The following ITPRID1 variants were observed in gnomAD, a reference collection of about 807,000 sequenced individuals.
ITPRID1 encodes ITPR interacting domain containing 1, also known as protein ITPRID1.
A neutral mutation model predicts 95.4 loss-of-function variants in ITPRID1; 96 were observed. The observed-to-expected ratio is 1.01, with a 90% CI of 0.85 to 1.19. The LOEUF (loss-of-function observed/expected upper bound fraction) is 1.19, where lower values mean the gene tolerates loss of function less well. Ranked by LOEUF, ITPRID1 falls within the 50% of genes most tolerant of loss-of-function variation. The probability of loss-of-function intolerance (pLI) is 0.00; values close to 1 mark genes in which losing one functional copy is unlikely to be tolerated. For synonymous variants in ITPRID1, 510 were observed against 453.6 expected (o/e 1.12, Z -1.58); for missense variants, 1,339 against 1,252.9 (o/e 1.07, Z -1.04).
intron 5 of ITPRID1, among the ~76,000 whole-genome samples, chr7:31,564,265 A>C (rs528200810): frequency 1.2e-3 from 177 of 152,278 alleles, no homozygotes; most frequent in Non-Finnish European, 2.1e-3. Context: ...GGGTGGCTGG[A>C]GACTCAAGTA....
intron 5 of ITPRID1, among the ~76,000 whole-genome samples, chr7:31,565,776 C>G (rs1583505405): frequency 7.7e-6 from 1 of 129,904 alleles, no homozygotes; most frequent in East Asian, 2.4e-4. Context: ...AGTCTGATAG[C>G]TGCATTTGTA....
intron 12 of ITPRID1, among the ~76,000 whole-genome samples, chr7:31,648,055 T>A (rs941676692): frequency 6.6e-6 from 1 of 152,048 alleles, no homozygotes; most frequent in Non-Finnish European, 1.5e-5. Context: ...AAGTGTTAAT[T>A]CAAAAAAAAT....
At chr7:31,627,659 C>CAAAAAAAAAAAAAAAAAAAAAAAAA (rs3078462) in intron 10 of ITPRID1, among the ~76,000 whole-genome samples, 1 of 75,518 alleles carries the variant, frequency 1.3e-5, no homozygotes. Flanking sequence ...GACACTGTCT[C>CAAAAAAAAAAAAAAAAAAAAAAAAA]AAAAAAAAAA....
At chr7:31,593,434 T>C (rs1785950247) in intron 10 of ITPRID1, among the ~76,000 whole-genome samples, 1 of 152,146 alleles carries the variant, frequency 6.6e-6, no homozygotes, top group Non-Finnish European at 1.5e-5. Context: ...AGAAAAACAA[T>C]ATCTTATTAG....
At chr7:31,603,776 C>T (rs1786497609) in intron 10 of ITPRID1, among the ~76,000 whole-genome samples, 1 of 152,146 alleles carries the variant, frequency 6.6e-6, no homozygotes, top group African/African-American at 2.4e-5. Flanking sequence ...TGCTTAGTGT[C>T]CCCCACAATC....
At position 31,520,554 on chromosome 7, in the gene ITPRID1, TGTGTGTGTGTGAGAGA is replaced by T. The variant is rs759914559; in HGVS notation, c.-98+6436_-98+6451del. Among the ~76,000 whole-genome samples, 811 of 88,458 alleles carry T rather than the reference TGTGTGTGTGTGAGAGA, an allele frequency of 9.2e-3. 10 individuals are homozygous for T. Among genetic ancestry groups the T allele is most frequent in the African/African-American group, 0.037 (614 of 16,442 alleles). 58.0% of individuals were successfully genotyped at this position (88,458 alleles called of 152,430 possible). A position where few individuals can be genotyped will look rare whatever the true frequency, so the allele number is the denominator to read the frequency against. Reference sequence around the variant, plus strand: ...GTGTGTGTGTGTGTGTGTGTGTGTGTGTGTGTGTGTGAGAGAGAGAGAGAGAGTTTGGCACTTTTCT... The same window carrying T: ...GTGTGTGTGTGTGTGTGTGTGTGTGTGAGAGAGAGAGTTTGGCACTTTTCT... On this transcript the variant is annotated intron_variant, in intron 1 of 14. Coordinates refer to ENST00000615280, the MANE Select transcript of ITPRID1 (RefSeq NM_001257967.3).
intron 2 of ITPRID1, 53 bp from the exon 3 acceptor site, chr7:31,552,949 G>T: frequency 6.6e-7 from 1 of 1,521,686 alleles, no homozygotes; most frequent in Non-Finnish European, 8.8e-7. Flanking sequence ...ACTGAGCCAA[G>T]CCCAGAAGCT....
At chr7:31,647,481 G>A (rs1790571137) in intron 12 of ITPRID1, among the ~76,000 whole-genome samples, 1 of 145,910 alleles carries the variant, frequency 6.9e-6, no homozygotes, top group South Asian at 2.2e-4. Flanking sequence ...GGCCAACATG[G>A]CAAAACCCCG....
intron 7 of ITPRID1, among the ~76,000 whole-genome samples, chr7:31,573,241 C>G: frequency 6.6e-6 from 1 of 152,172 alleles, no homozygotes; most frequent in East Asian, 1.9e-4. Flanking sequence ...GATGTTCTCA[C>G]CACAAGTGAT....
rs60891720 is a variant in ITPRID1, at chr7:31,550,200, C to CTTTT, written c.-24+713_-24+716dup. Among the ~76,000 whole-genome samples the CTTTT allele has an allele frequency of 4.3e-3, 585 of 136,918 alleles. 3 individuals carry two copies. The highest frequency in any genetic ancestry group is 0.013 in the African/African-American group (494 of 36,914). The allele number at this position is 136,918 out of a possible 152,430, so 89.8% of individuals were successfully genotyped here. On this transcript the variant is annotated intron_variant, in intron 2 of 14. Coordinates refer to ENST00000615280, the MANE Select transcript of ITPRID1 (RefSeq NM_001257967.3). ...TAGTGCATATACAGTTTTGCATCCT[C>CTTTT]TTTTTTTTTTTTTTTGGTTAAACGT...
Position 31,641,760 on chromosome 7 carries a change from T to A in ITPRID1, c.1229-416T>A, listed in dbSNP as rs187990453. Among the ~76,000 whole-genome samples, 6 of 152,244 alleles carry A rather than the reference T, an allele frequency of 3.9e-5. No homozygotes were observed. In the East Asian group the frequency reaches 1.2e-3, roughly 29 times the overall value. On this transcript the variant is annotated intron_variant, in intron 10 of 14. Coordinates refer to ENST00000615280, the MANE Select transcript of ITPRID1 (RefSeq NM_001257967.3). ...GCTAGCAAAGGGTACTTATCCAAAC[T>A]TTAGTAAAAAGAACAAGAATATGTA... is the stretch of plus-strand genomic sequence containing the variant.
intron 10 of ITPRID1, among the ~76,000 whole-genome samples, chr7:31,619,647 C>T (rs1037851995): frequency 1.3e-5 from 2 of 152,056 alleles, no homozygotes; most frequent in Non-Finnish European, 2.9e-5. Flanking sequence ...CGAATAGGAA[C>T]AGCTCCAGTC....
chr7:31,615,269 C>A (rs914272055), intron 10 of ITPRID1, among the ~76,000 whole-genome samples: 2 of 152,052 alleles, frequency 1.3e-5, no homozygotes, highest in African/African-American at 4.8e-5. Context: ...ATGGAAAAAA[C>A]ATGAAGATAG....
intron 10 of ITPRID1, among the ~76,000 whole-genome samples, chr7:31,622,520 C>T (rs1025369138): frequency 5.3e-5 from 8 of 150,816 alleles, no homozygotes; most frequent in Non-Finnish European, 8.9e-5. Flanking sequence ...GGGTACATAA[C>T]GAAATGAAGG....
At chr7:31,658,446 A>G, downstream of ITPRID1, 1 of 1,385,478 alleles carries the variant, frequency 7.2e-7, no homozygotes, top group Non-Finnish European at 9.4e-7. Context: ...CACATGTCGA[A>G]CAAAATAGAA....
At chr7:31,616,759 A>G (rs1197731174) in intron 10 of ITPRID1, among the ~76,000 whole-genome samples, 1 of 151,992 alleles carries the variant, frequency 6.6e-6, no homozygotes, top group East Asian at 1.9e-4. Context: ...GAATGAGACA[A>G]GAAAAGACAA....
rs868431306 is a variant in ITPRID1 at position 31,651,174 on chromosome 7, G to A, written c.2616G>A (p.Thr872=). ...TCCATGAGATGGAAGCCATGAAGAC[G>A]ATATGCCAAAGTTTCCGGGAGTATT... ...CTVHEMEAMK[T]ICQSFREYLE... Residue 872 remains threonine (T), a synonymous_variant, in exon 13 of 15, where the codon ACG becomes ACA. Coordinates refer to ENST00000615280, the MANE Select transcript of ITPRID1 (RefSeq NM_001257967.3). 13 of 1,613,390 alleles carry A rather than the reference G, an allele frequency of 8.1e-6. No individual in the cohort carries two copies. The highest frequency in any genetic ancestry group is 5.9e-6 in the Non-Finnish European group (7 of 1,179,560).
At chr7:31,637,661 G>A (rs1193416209) in intron 10 of ITPRID1, among the ~76,000 whole-genome samples, 9 of 152,078 alleles carry the variant, frequency 5.9e-5, no homozygotes, top group African/African-American at 1.7e-4. Context: ...AGTAGATTGC[G>A]AAAATTTTCT....
At chr7:31,650,264 T>C (rs1790833357) in intron 12 of ITPRID1, among the ~76,000 whole-genome samples, 1 of 152,162 alleles carries the variant, frequency 6.6e-6, no homozygotes, top group African/African-American at 2.4e-5. Flanking sequence ...ACAGTAAATT[T>C]TCCTGGCAGC....
Sources: allele counts gnomAD v4.1 joint callset (sites outside exome capture counted in the v4.1 genomes callset), GRCh38; gene constraint gnomAD v4.1.1; transcripts MANE v1.5; gene names NCBI Gene and HGNC (gene_info 2026-07-23, HGNC 2026-07-21).